FBXL13: variants seen among roughly 807,000 people sequenced by gnomAD.
FBXL13 encodes the protein F-box and leucine rich repeat protein 13, also known as F-box and leucine-rich repeat protein 13.
In FBXL13, 67 loss-of-function variants were observed where a neutral mutation model predicts 83.6. The observed-to-expected ratio is 0.80, with a 90% CI of 0.66 to 0.98. The LOEUF (loss-of-function observed/expected upper bound fraction) is 0.98, where lower values mean the gene tolerates loss of function less well. FBXL13 is among the 50% of genes least tolerant of loss of function. The probability of loss-of-function intolerance (pLI) is 0.00; values close to 1 mark genes in which losing one functional copy is unlikely to be tolerated. For missense variants in FBXL13, 822 were observed against 866.5 expected, an observed-to-expected ratio of 0.95 and a Z score of 0.64; for synonymous variants, 272 against 299.5, an observed-to-expected ratio of 0.91 and a Z score of 0.95.
At chr7:102,956,077 CAA>C (rs1462839058) in intron 8 of FBXL13, among the ~76,000 whole-genome samples, 2 of 151,822 alleles carry the variant, frequency 1.3e-5, no homozygotes, top group Non-Finnish European at 2.9e-5. Flanking sequence ...AGAGACACAA[CAA>C]AAAAAGAGAA....
chr7:103,017,948 C>T (rs1348272056), intron 6 of FBXL13, among the ~76,000 whole-genome samples: 1 of 152,120 alleles, frequency 6.6e-6, no homozygotes, highest in Non-Finnish European at 1.5e-5. Flanking sequence ...GGCAGGCCAA[C>T]ATTCAAATTC....
chr7:102,985,723 G>C (rs1226801454), intron 6 of FBXL13, among the ~76,000 whole-genome samples: 1 of 152,168 alleles, frequency 6.6e-6, no homozygotes, highest in Non-Finnish European at 1.5e-5. Context: ...AGAACATCCA[G>C]TCAGCAGTTC....
intron 16 of FBXL13, among the ~76,000 whole-genome samples, chr7:102,865,485 G>A (rs1054051501): frequency 2.0e-5 from 3 of 151,754 alleles, no homozygotes; most frequent in African/African-American, 4.8e-5. Context: ...TAAATATAAT[G>A]TACCTTTTCT....
Position 102,897,808 on chromosome 7 carries a change from AAGG to A in FBXL13, c.1009-13499_1009-13497del, listed in dbSNP as rs539975784. Among the ~76,000 whole-genome samples, 4 of 152,332 alleles carry A rather than the reference AAGG, an allele frequency of 2.6e-5. No individual in the cohort carries two copies. The South Asian group carries it at 8.3e-4, about 32-fold the overall frequency. On this transcript the variant is annotated intron_variant, in intron 11 of 19. Coordinates refer to ENST00000313221, the Ensembl canonical transcript of FBXL13. ...ACTTTGATCAAAGAATATTTGAAAA[AAGG>A]AGAATTGAGTGAAACTTAGTTACTG... is the stretch of plus-strand genomic sequence containing the variant.
At chr7:102,902,904 T>G (rs532671194) in intron 11 of FBXL13, among the ~76,000 whole-genome samples, 1 of 152,086 alleles carries the variant, frequency 6.6e-6, no homozygotes, top group Non-Finnish European at 1.5e-5. Flanking sequence ...TTGGCTATTC[T>G]GGGTCTTTAG....
In FBXL13 at chr7:102,813,467, G is replaced by A. The variant is rs114469273; in HGVS notation, c.2083C>T (p.Arg695Cys). The A allele has an allele frequency of 2.6e-4, 420 of 1,614,174 alleles. 1 individual carries two copies. The African/African-American group carries it at 2.7e-3, about 10-fold the overall frequency. The change falls in exon 20 of 20, where the codon CGT (arginine) becomes TGT (cysteine). Residue 695 changes from arginine (R) to cysteine (C), a missense_variant. Physicochemically the swap from Arg to Cys is radical, Grantham distance 180. Coordinates refer to ENST00000313221, the Ensembl canonical transcript of FBXL13. ...CCTTCCCTATCATAGCCAAACCAAC[G>A]TGGAGGGTCATTAGTGTTGTATTCC...
chr7:102,826,753 A>ATATATATATATATATG (rs1562911374), intron 18 of FBXL13, among the ~76,000 whole-genome samples: 13 of 112,246 alleles, frequency 1.2e-4, no homozygotes, highest in Non-Finnish European at 1.4e-4. Context: ...ATATATATAT[A>ATATATATATATATATG]TATATATATA....
chr7:103,053,876 G>A (rs1797078413), intron 2 of FBXL13, among the ~76,000 whole-genome samples: 1 of 152,150 alleles, frequency 6.6e-6, no homozygotes, highest in South Asian at 2.1e-4. Context: ...CAGTGTACTG[G>A]CACCTCAGAA....
At chr7:102,947,377 T>G (rs185632843) in intron 8 of FBXL13, among the ~76,000 whole-genome samples, 187 of 152,328 alleles carry the variant, frequency 1.2e-3, no homozygotes, top group Non-Finnish European at 1.8e-3. Flanking sequence ...CATATTCAAT[T>G]TAATCCCCAG....
At chr7:102,936,031 G>A (rs549329920) in intron 8 of FBXL13, among the ~76,000 whole-genome samples, 2 of 149,140 alleles carry the variant, frequency 1.3e-5, no homozygotes, top group Non-Finnish European at 3.0e-5. Flanking sequence ...CCACTGCCCC[G>A]CTCCCCTGCC....
At chr7:102,814,094 G>C (rs775076456) in intron 19 of FBXL13, among the ~76,000 whole-genome samples, 14 of 152,154 alleles carry the variant, frequency 9.2e-5, no homozygotes, top group Non-Finnish European at 1.8e-4. Flanking sequence ...TACTGTTATA[G>C]TCTTTCTTAG....
At chr7:102,886,570 T>G (rs1810820899) in intron 11 of FBXL13, among the ~76,000 whole-genome samples, 1 of 152,232 alleles carries the variant, frequency 6.6e-6, no homozygotes, top group Non-Finnish European at 1.5e-5. Flanking sequence ...ACCATGTAAT[T>G]ATCATAACTA....
chr7:103,014,133 A>G (rs1791972696), intron 6 of FBXL13, among the ~76,000 whole-genome samples: 1 of 152,204 alleles, frequency 6.6e-6, no homozygotes, highest in Non-Finnish European at 1.5e-5. Flanking sequence ...CCAAAATCAA[A>G]TGAATAAGTC....
rs545954303 is a variant in FBXL13, at chr7:103,009,356, T to C, written c.495+15707A>G. Among the ~76,000 whole-genome samples the C allele has an allele frequency of 3.3e-5, 5 of 151,990 alleles. No homozygotes were observed. In the East Asian group the frequency reaches 5.9e-4, roughly 18 times the overall value. On this transcript the variant is annotated intron_variant, in intron 6 of 19. Transcript: ENST00000313221. ...CATCAAGGCAGCAGGGGAACACAGA[T>C]TGCAGAGAGGAATGAAGCTGGGGAC...
At chr7:103,015,781 A>G (rs1342474251) in intron 6 of FBXL13, among the ~76,000 whole-genome samples, 2 of 132,068 alleles carry the variant, frequency 1.5e-5, no homozygotes, top group Admixed American at 8.7e-5. Context: ...TGGGTAACAG[A>G]GTGAGACTCT....
At chr7:103,040,572 T>C (rs573477194) in intron 2 of FBXL13, among the ~76,000 whole-genome samples, 103 of 152,010 alleles carry the variant, frequency 6.8e-4, no homozygotes, top group Non-Finnish European at 1.3e-3. Flanking sequence ...ACATAATTGG[T>C]AGTAAAACAC....
chr7:102,894,128 T>A (rs1348170844), intron 11 of FBXL13, among the ~76,000 whole-genome samples: 2 of 152,200 alleles, frequency 1.3e-5, no homozygotes, highest in African/African-American at 4.8e-5. Flanking sequence ...CCTGTGTGGC[T>A]TTCTCCAACC....
At chr7:103,069,844 C>T (rs966162336) in intron 1 of FBXL13, among the ~76,000 whole-genome samples, 2 of 152,094 alleles carry the variant, frequency 1.3e-5, no homozygotes, top group East Asian at 1.9e-4. Flanking sequence ...TTTGGGAGGC[C>T]GAGGCAGGTG....
chr7:102,820,418 G>A (rs1433959009), intron 19 of FBXL13, among the ~76,000 whole-genome samples: 5 of 152,172 alleles, frequency 3.3e-5, no homozygotes, highest in Non-Finnish European at 7.3e-5. Context: ...TGGGGTTTTG[G>A]GACAAAGCTC....
Sources: allele counts gnomAD v4.1 joint callset (sites outside exome capture counted in the v4.1 genomes callset), GRCh38; gene constraint gnomAD v4.1.1; transcripts MANE v1.5; gene names NCBI Gene and HGNC (gene_info 2026-07-23, HGNC 2026-07-21).